SLC9B1: variants seen among roughly 807,000 people sequenced by gnomAD.
SLC9B1 encodes solute carrier family 9 member B1, also known as sodium/hydrogen exchanger 9B1.
SLC9B1 carries 32 observed loss-of-function variants against 51.7 expected under a neutral mutation model. The ratio of observed to expected loss-of-function variants is 0.62; its 90% CI spans 0.47 to 0.83. The LOEUF is 0.83. Ranked by LOEUF, SLC9B1 falls within the 40% of genes least tolerant of loss-of-function variation. SLC9B1 has a pLI of 0.00. For missense variants in SLC9B1, 406 were observed against 613.2 expected (o/e 0.66, Z 3.57); for synonymous variants, 145 against 212.7 (o/e 0.68, Z 2.77).
intron 11 of SLC9B1, among the ~76,000 whole-genome samples, chr4:102,886,494 A>G (rs1042313865): frequency 6.6e-6 from 1 of 152,186 alleles, no homozygotes; most frequent in Non-Finnish European, 1.5e-5. Context: ...GTCTCACAAA[A>G]AAAAGAAAAA....
chr4:102,937,044 A>G (rs1018048353), intron 6 of SLC9B1, among the ~76,000 whole-genome samples: 9 of 152,174 alleles, frequency 5.9e-5, no homozygotes, highest in African/African-American at 2.2e-4. Flanking sequence ...CCATCAGGCT[A>G]ACAGTGGAAC....
At chr4:102,897,738 A>G (rs1356060842), downstream of SLC9B1, 8 of 477,920 alleles carry the variant, frequency 1.7e-5, no homozygotes, top group Admixed American at 6.7e-5. Context: ...GTAAGAGACC[A>G]GCTTCTTCAC....
intron 11 of SLC9B1, among the ~76,000 whole-genome samples, chr4:102,887,142 ACCAAATAATGAAGTAACTGTTT>A: frequency 6.6e-6 from 1 of 152,220 alleles, no homozygotes; most frequent in African/African-American, 2.4e-5. Flanking sequence ...TAAAATCTAA[ACCAAATAATGAAGTAACTGTTT>A]AAATTGTTAG....
At chr4:102,968,841 T>C (rs1738579829) in intron 3 of SLC9B1, among the ~76,000 whole-genome samples, 1 of 152,166 alleles carries the variant, frequency 6.6e-6, no homozygotes, top group Non-Finnish European at 1.5e-5. Flanking sequence ...AATACTATGC[T>C]TTTCCAATGG....
At chr4:102,970,497 A>G (rs1738699378) in intron 3 of SLC9B1, among the ~76,000 whole-genome samples, 1 of 152,230 alleles carries the variant, frequency 6.6e-6, no homozygotes, top group South Asian at 2.1e-4. Flanking sequence ...AGCACTAAAC[A>G]TGGAAAGTAA....
chr4:102,918,130 C>T (rs1348431923), intron 7 of SLC9B1, among the ~76,000 whole-genome samples: 5 of 136,842 alleles, frequency 3.7e-5, no homozygotes, highest in Admixed American at 2.2e-4. Context: ...GTAGTTGTTT[C>T]AAAGTTCAAC....
Position 102,932,318 on chromosome 4 carries a change from A to G in SLC9B1, c.654-19T>C. 6.2e-7 allele frequency: 1 copy of G among 1,603,256 alleles called. No individual in the cohort carries two copies. ...AACAAAACTGAAAGAAAGAATGAAA[A>G]TTAATTTAAAAGCATCTTTTAAATC... On this transcript the variant is annotated intron_variant, in intron 6 of 11. Coordinates refer to ENST00000296422, the MANE Select transcript of SLC9B1 (RefSeq NM_139173.4).
Position 102,911,457 on chromosome 4 carries a change from C to G in SLC9B1, c.910G>C (p.Val304Leu). ...LLAGIVLGFFVRYFPSEDQKK... is the reference protein window; with the variant it reads ...LLAGIVLGFFLRYFPSEDQKK... ...TGGTCTTCACTTGGAAAATATCGAA[C>G]AAAAAATCCCAAAACAATTCCTGCC... The change falls in exon 8 of 12, where the codon GTT becomes CTT. Residue 304 changes from valine to leucine, a missense_variant. Transcript: ENST00000296422. 1 of 1,596,432 alleles carries G rather than the reference C, an allele frequency of 6.3e-7. No homozygotes were observed. The highest frequency in any genetic ancestry group is 8.5e-7 in the Non-Finnish European group (1 of 1,179,118).
chr4:102,927,922 G>T (rs1309431811), intron 7 of SLC9B1, among the ~76,000 whole-genome samples: 1 of 152,128 alleles, frequency 6.6e-6, no homozygotes, highest in African/African-American at 2.4e-5. Context: ...CATGTCCTTT[G>T]CAGGGAGATA....
intron 3 of SLC9B1, among the ~76,000 whole-genome samples, chr4:102,957,708 A>G (rs761223024): frequency 6.6e-6 from 1 of 152,192 alleles, no homozygotes; most frequent in Admixed American, 6.5e-5. Flanking sequence ...ACTTGAACCT[A>G]TAAGGAATAA....
At chr4:102,905,469 G>C (rs778784567) in intron 11 of SLC9B1, 45 bp downstream of exon 11, 2 of 1,534,558 alleles carry the variant, frequency 1.3e-6, no homozygotes, top group South Asian at 2.4e-5. Context: ...AATTTTAAAA[G>C]CATCAAAATG....
chr4:102,902,201 G>T (rs1246241854), intron 11 of SLC9B1, among the ~76,000 whole-genome samples: 2 of 151,920 alleles, frequency 1.3e-5, no homozygotes, highest in Admixed American at 6.6e-5. Context: ...AATAATCTAG[G>T]CATGAAATTG....
At chr4:102,946,083 T>C (rs764454545) in intron 5 of SLC9B1, among the ~76,000 whole-genome samples, 2 of 152,196 alleles carry the variant, frequency 1.3e-5, no homozygotes, top group Non-Finnish European at 2.9e-5. Context: ...GTTTTTCTTA[T>C]CCTATGTTAA....
intron 3 of SLC9B1, among the ~76,000 whole-genome samples, chr4:102,954,690 C>T (rs1302299180): frequency 1.3e-5 from 2 of 151,588 alleles, no homozygotes; most frequent in Non-Finnish European, 2.9e-5. Flanking sequence ...AGAACATATG[C>T]CATTTTTTAC....
chr4:102,962,399 A>G, intron 3 of SLC9B1: 1 of 535,282 alleles, frequency 1.9e-6, no homozygotes, highest in Admixed American at 2.0e-5. Flanking sequence ...GCAGAATCTG[A>G]GGACCATTAT....
intron 3 of SLC9B1, among the ~76,000 whole-genome samples, chr4:102,979,258 T>C (rs1340404737): frequency 6.6e-6 from 1 of 152,246 alleles, no homozygotes; most frequent in Admixed American, 6.5e-5. Flanking sequence ...CTCATAGTTA[T>C]TGAGCCATAT....
intron 3 of SLC9B1, among the ~76,000 whole-genome samples, chr4:102,975,087 T>C (rs1377818296): frequency 6.6e-6 from 1 of 152,172 alleles, no homozygotes; most frequent in Non-Finnish European, 1.5e-5. Flanking sequence ...ACAGCATCCT[T>C]GAACTCCTGG....
At chr4:102,987,787 G>T (rs1354743000) in intron 3 of SLC9B1, among the ~76,000 whole-genome samples, 2 of 152,094 alleles carry the variant, frequency 1.3e-5, no homozygotes, top group Non-Finnish European at 2.9e-5. Flanking sequence ...TCAGGTTTTT[G>T]TACCCTGCTC....
In SLC9B1 at chr4:102,901,308, C is replaced by T. The variant is rs754738344; in HGVS notation, c.1357G>A (p.Glu453Lys). ...VQAVLGPLAL[E>K]TARVSAPHLE... The stretch of plus-strand genomic sequence containing the variant: ...TGGGGTGCGGAGACTCTTGCTGTTT[C>T]TAGAGCCAGAGGACCTAACACAGCC... The change falls in exon 12 of 12, where the codon GAA becomes AAA. Residue 453 changes from glutamate to lysine, a missense_variant. Physicochemically the swap from Glu to Lys is moderately conservative, Grantham distance 56. Coordinates refer to ENST00000296422, the MANE Select transcript of SLC9B1 (RefSeq NM_139173.4). 6.2e-7 allele frequency: 1 copy of T among 1,612,024 alleles called. No individual in the cohort carries two copies. Among genetic ancestry groups the T allele is most frequent in the Non-Finnish European group, 8.5e-7 (1 of 1,179,814 alleles).
Sources: allele counts gnomAD v4.1 joint callset (sites outside exome capture counted in the v4.1 genomes callset), GRCh38; gene constraint gnomAD v4.1.1; transcripts MANE v1.5; gene names NCBI Gene and HGNC (gene_info 2026-07-23, HGNC 2026-07-21).